Variants in ILRUN observed in about 807,000 individuals in gnomAD.
The protein encoded by ILRUN is inflammation and lipid regulator with UBA-like and NBR1-like domains.
Under a neutral mutation model 33.8 loss-of-function variants are expected in ILRUN, and 3 were observed. That is an observed-to-expected ratio of 0.09 (90% CI 0.04 to 0.23). ILRUN has a LOEUF of 0.23. Ranked by LOEUF, ILRUN falls within the 10% of genes least tolerant of loss-of-function variation. ILRUN has a pLI of 1.00. For missense variants in ILRUN, 210 were observed against 375.1 expected (o/e 0.56, Z 3.64); for synonymous variants, 124 against 138.9 (o/e 0.89, Z 0.75).
At chr6:34,655,444 AT>A (rs1178617671) in intron 1 of ILRUN, among the ~76,000 whole-genome samples, 3 of 152,106 alleles carry the variant, frequency 2.0e-5, no homozygotes, top group South Asian at 2.1e-4. Flanking sequence ...ATACAATCTT[AT>A]TTTCCCCCTT....
intron 1 of ILRUN, among the ~76,000 whole-genome samples, chr6:34,677,625 T>C (rs1295373159): frequency 6.6e-6 from 1 of 152,124 alleles, no homozygotes; most frequent in Non-Finnish European, 1.5e-5. Context: ...TTTGTTGTTG[T>C]TGTTCCCCAA....
In ILRUN at chr6:34,688,970, A is replaced by G. The variant is rs116663338; in HGVS notation, c.158+7476T>C. On this transcript the variant is annotated intron_variant, in intron 1 of 4. Transcript: ENST00000374023. ...AAGTGAAACTCCATCTCAAAAAAGA[A>G]AAGAAAATATCCAGAATAGGTACAT... is the stretch of plus-strand genomic sequence containing the variant. Among the ~76,000 whole-genome samples the G allele has an allele frequency of 4.3e-3, 649 of 152,080 alleles. 5 individuals carry two copies. Among genetic ancestry groups the G allele is most frequent in the African/African-American group, 0.015 (604 of 41,462 alleles).
chr6:34,668,272 C>T (rs545126414), intron 1 of ILRUN, among the ~76,000 whole-genome samples: 2 of 152,282 alleles, frequency 1.3e-5, no homozygotes, highest in African/African-American at 4.8e-5. Flanking sequence ...TATGTATCTA[C>T]CCAAGATAAA....
In ILRUN at chr6:34,606,810, C is replaced by A. The variant is rs376293203; in HGVS notation, c.606G>T (p.Pro202=). 22 of 1,613,976 alleles carry A rather than the reference C, an allele frequency of 1.4e-5. No homozygotes were observed. Among genetic ancestry groups the A allele is most frequent in the Non-Finnish European group, 1.7e-5 (20 of 1,180,028 alleles). Residue 202 remains proline (P), a synonymous_variant, in exon 4 of 5, where the codon CCG becomes CCT. Coordinates refer to ENST00000374023, the MANE Select transcript of ILRUN (RefSeq NM_024294.4). ...SSFETEFNTQ[P]HRKVEGNFNP... Reference sequence around the variant, plus strand: ...TGAAGTTTCCTTCTACCTTACGATGCGGCTGTGTGTTGAACTCCGTTTCAA... The same window carrying A: ...TGAAGTTTCCTTCTACCTTACGATGAGGCTGTGTGTTGAACTCCGTTTCAA...
At chr6:34,609,421 C>T (rs866055577) in intron 3 of ILRUN, among the ~76,000 whole-genome samples, 1 of 151,852 alleles carries the variant, frequency 6.6e-6, no homozygotes. Context: ...ACCTGGGAGG[C>T]GGAGGTTGTA....
At chr6:34,605,005 C>T (rs1203956346) in intron 4 of ILRUN, among the ~76,000 whole-genome samples, 1 of 152,078 alleles carries the variant, frequency 6.6e-6, no homozygotes, top group Non-Finnish European at 1.5e-5. Context: ...TGATCTAGAC[C>T]ACATTTAAAC....
At chr6:34,680,269 CTAGAA>C (rs1763331543) in intron 1 of ILRUN, among the ~76,000 whole-genome samples, 1 of 152,116 alleles carries the variant, frequency 6.6e-6, no homozygotes, top group Non-Finnish European at 1.5e-5. Context: ...AAAACAGTAT[CTAGAA>C]TATAGTAAAT....
Position 34,646,811 on chromosome 6 carries a change from A to G in ILRUN, c.314-13T>C. On this transcript the variant is annotated splice_polypyrimidine_tract_variant and intron_variant, in intron 2 of 4. Coordinates refer to ENST00000374023, the MANE Select transcript of ILRUN (RefSeq NM_024294.4). The surrounding 1 kb of genome is among the most constrained non-coding windows in gnomAD (Gnocchi z 4.9). ...CAGGCCTCTGCCCCTGAGTTCAAGC[A>G]AAAGAAAAAAATGTTAGGCAATCAA... 1.2e-6 allele frequency: 2 copies of G among 1,613,082 alleles called. No homozygotes were observed. The highest frequency in any genetic ancestry group is 1.7e-6 in the Non-Finnish European group (2 of 1,179,830).
At chr6:34,608,705 T>C (rs1761684079) in intron 3 of ILRUN, among the ~76,000 whole-genome samples, 1 of 152,222 alleles carries the variant, frequency 6.6e-6, no homozygotes, top group South Asian at 2.1e-4. Flanking sequence ...AACATCATTA[T>C]ACAGTACAAG....
chr6:34,643,903 G>T (rs1026255152), intron 3 of ILRUN, among the ~76,000 whole-genome samples: 1 of 152,076 alleles, frequency 6.6e-6, no homozygotes, highest in African/African-American at 2.4e-5. Context: ...GATTCCACTA[G>T]GTTGGCCAGG....
chr6:34,594,953 C>T (rs1761371475), intron 4 of ILRUN, among the ~76,000 whole-genome samples: 1 of 152,196 alleles, frequency 6.6e-6, no homozygotes, highest in African/African-American at 2.4e-5. Flanking sequence ...TCTTGAACTC[C>T]TGGCCTCAAG....
chr6:34,591,526 G>GT (rs1761293256), intron 4 of ILRUN, among the ~76,000 whole-genome samples: 1 of 148,940 alleles, frequency 6.7e-6, no homozygotes, highest in Non-Finnish European at 1.5e-5. Context: ...TGGAGATGGA[G>GT]TTTCCCTCTG....
intron 3 of ILRUN, among the ~76,000 whole-genome samples, chr6:34,611,632 A>G (rs1761756685): frequency 6.6e-6 from 1 of 152,212 alleles, no homozygotes; most frequent in Non-Finnish European, 1.5e-5. Context: ...ACCATTCCCA[A>G]TTCTTACCAG....
At chr6:34,611,764 T>C (rs1761759091) in intron 3 of ILRUN, among the ~76,000 whole-genome samples, 1 of 152,142 alleles carries the variant, frequency 6.6e-6, no homozygotes, top group Non-Finnish European at 1.5e-5. Context: ...ATTTAAAAAA[T>C]CTGAAGTCTA....
At chr6:34,683,478 A>ATATG (rs1191826094) in intron 1 of ILRUN, among the ~76,000 whole-genome samples, 4 of 97,720 alleles carry the variant, frequency 4.1e-5, no homozygotes, top group African/African-American at 1.7e-4. Context: ...ATATACACAT[A>ATATG]TATATATACA....
At chr6:34,619,638 A>T (rs1408055038) in intron 3 of ILRUN, among the ~76,000 whole-genome samples, 5 of 152,158 alleles carry the variant, frequency 3.3e-5, no homozygotes, top group Non-Finnish European at 2.9e-5. Flanking sequence ...GACAGGCATG[A>T]GCCACCACAT....
At chr6:34,669,563 C>T (rs1233176189) in intron 1 of ILRUN, among the ~76,000 whole-genome samples, 4 of 152,092 alleles carry the variant, frequency 2.6e-5, no homozygotes, top group Non-Finnish European at 4.4e-5. Flanking sequence ...CCAGAACCAT[C>T]GATGTGGTTG....
chr6:34,658,087 G>A (rs1018547754), intron 1 of ILRUN, among the ~76,000 whole-genome samples: 3 of 152,138 alleles, frequency 2.0e-5, no homozygotes, highest in Non-Finnish European at 2.9e-5. Flanking sequence ...TGTGACTCAC[G>A]CCTGTAATCC....
intron 1 of ILRUN, among the ~76,000 whole-genome samples, chr6:34,673,560 CATT>C (rs1000171823): frequency 6.6e-6 from 1 of 152,100 alleles, no homozygotes; most frequent in Non-Finnish European, 1.5e-5. Flanking sequence ...AACATTTAAA[CATT>C]ATAATGAGAT....
Sources: gnomAD v4.1 joint callset for allele counts (sites outside exome capture counted in the v4.1 genomes callset) on GRCh38, gnomAD v4.1.1 for gene constraint, Gnocchi (gnomAD v3.1) non-coding constraint, MANE v1.5 for transcripts, NCBI Gene and HGNC (gene_info 2026-07-23, HGNC 2026-07-21) for gene names.